CASC3: variants seen among roughly 807,000 people sequenced by gnomAD.
The protein encoded by CASC3 is protein CASC3.
A neutral mutation model predicts 80.5 loss-of-function variants in CASC3; 30 were observed. That is an observed-to-expected ratio of 0.37 (90% confidence interval 0.28 to 0.51). CASC3 has a LOEUF of 0.51. Among genes scored for constraint, CASC3 ranks in the 20% least tolerant of loss-of-function variants. CASC3 has a pLI of 0.94. For synonymous variants in CASC3, 312 were observed against 333.6 expected, an observed-to-expected ratio of 0.94 and a Z score of 0.70; for missense variants, 824 against 922.2, an observed-to-expected ratio of 0.89 and a Z score of 1.38.
At chr17:40,160,171 G>T (rs1029086028) in intron 3 of CASC3, among the ~76,000 whole-genome samples, 2 of 152,150 alleles carry the variant, frequency 1.3e-5, no homozygotes, top group African/African-American at 4.8e-5. Flanking sequence ...TTACGTCAAA[G>T]TATAGTTATT....
At chr17:40,156,340 A>G (rs757399926) in intron 3 of CASC3, among the ~76,000 whole-genome samples, 5 of 152,142 alleles carry the variant, frequency 3.3e-5, no homozygotes, top group Non-Finnish European at 5.9e-5. Context: ...GTCTCCCTCT[A>G]TTCTGTTACC....
intron 3 of CASC3, among the ~76,000 whole-genome samples, chr17:40,145,716 G>T (rs1189291270): frequency 1.3e-5 from 2 of 150,502 alleles, no homozygotes; most frequent in Admixed American, 6.6e-5. Flanking sequence ...GCAAGACCCT[G>T]TGTCAAAAAA....
At position 40,168,226 on chromosome 17, in the gene CASC3, G is replaced by C. The variant is rs1417893684; in HGVS notation, c.1774G>C (p.Ala592Pro). ...HPGLHPHQTP[A>P]PLPNPGLYPP... ...AGGTTTACATCCCCACCAGACACCA[G>C]CTCCTCTGCCCAATCCAGGCCTCTA... The change falls in exon 11 of 14, where the codon GCT becomes CCT. Residue 592 changes from alanine to proline, a missense_variant. Transcript: ENST00000264645. 5 of 1,613,870 alleles carry C rather than the reference G, an allele frequency of 3.1e-6. No individual in the cohort carries two copies. In the East Asian group the frequency reaches 1.1e-4, roughly 36 times the overall value.
At chr17:40,164,517 G>A (rs1175526344) in intron 7 of CASC3, among the ~76,000 whole-genome samples, 2 of 151,686 alleles carry the variant, frequency 1.3e-5, no homozygotes, top group African/African-American at 2.4e-5. Context: ...GCACGATCTC[G>A]GCTCACTGTA....
chr17:40,164,749 C>CGT (rs1567683752), intron 7 of CASC3, among the ~76,000 whole-genome samples: 1 of 87,870 alleles, frequency 1.1e-5, no homozygotes, highest in African/African-American at 6.6e-5. Flanking sequence ...CCGTGCCTGG[C>CGT]CTTTTTTTTT....
chr17:40,143,150 A>G (rs1019402075), intron 3 of CASC3, among the ~76,000 whole-genome samples: 3 of 151,942 alleles, frequency 2.0e-5, no homozygotes, highest in Admixed American at 2.0e-4. Flanking sequence ...AGTAATTAGA[A>G]TGAATAAGAT....
chr17:40,169,570 AT>A, intron 12 of CASC3, 27 bp from the exon 13 acceptor site: 1 of 1,590,956 alleles, frequency 6.3e-7, no homozygotes, highest in South Asian at 1.1e-5. Context: ...TTATGACCTG[AT>A]AACAAATTCC....
rs375234919 is a variant in CASC3 at position 40,140,587 on chromosome 17, C to T, written c.39C>T (p.Thr13=). Reference sequence around the variant, plus strand: ...GGCGGCAGCGCGCTTCGCAAGACACCGAGGACGAGGAATCTGGTGCTTCGG... The same window carrying T: ...GGCGGCAGCGCGCTTCGCAAGACACTGAGGACGAGGAATCTGGTGCTTCGG... The part of the protein sequence containing the change: ...DRRRQRASQD[T]EDEESGASGS... The change falls in exon 1 of 14, where the codon ACC becomes ACT. Residue 13 remains threonine (T), a synonymous_variant. Transcript: ENST00000264645. 6 of 1,609,988 alleles carry T rather than the reference C, an allele frequency of 3.7e-6. No individual in the cohort carries two copies. Among genetic ancestry groups the T allele is most frequent in the African/African-American group, 1.3e-5 (1 of 74,654 alleles).
intron 3 of CASC3, among the ~76,000 whole-genome samples, chr17:40,151,027 G>GA (rs200764373): frequency 0.01 from 1,517 of 151,480 alleles, 31 homozygotes; most frequent in Middle Eastern, 0.034. Flanking sequence ...AAGAAAAAAA[G>GA]AAAAAAAACT....
chr17:40,156,337 T>C (rs999888813), intron 3 of CASC3, among the ~76,000 whole-genome samples: 1 of 152,120 alleles, frequency 6.6e-6, no homozygotes. Flanking sequence ...ACAGTCTCCC[T>C]CTATTCTGTT....
chr17:40,141,128 C>G (rs532732426), intron 1 of CASC3, 79 bp from the exon 2 acceptor site: 1 of 1,333,388 alleles, frequency 7.5e-7, no homozygotes, highest in African/African-American at 1.4e-5. Context: ...GAATCTTCAG[C>G]TTTTCACCCA....
At chr17:40,169,687 ATTG>A in intron 13 of CASC3, 25 bp downstream of exon 13, 2 of 1,096,494 alleles carry the variant, frequency 1.8e-6, no homozygotes, top group Non-Finnish European at 2.5e-6. Flanking sequence ...TACTGTGAAT[ATTG>A]TTAAAACTAA....
At chr17:40,169,739 ATGCTTT>A in intron 13 of CASC3, 77 bp downstream of exon 13, 1 of 219,076 alleles carries the variant, frequency 4.6e-6, no homozygotes, top group Non-Finnish European at 8.0e-6. Flanking sequence ...CACTTAATTA[ATGCTTT>A]TTTTTTTTTT....
At chr17:40,154,105 G>A (rs1466702640) in intron 3 of CASC3, among the ~76,000 whole-genome samples, 2 of 76,768 alleles carry the variant, frequency 2.6e-5, no homozygotes, top group African/African-American at 5.4e-5. Context: ...GATGCTGAGC[G>A]TTTTTTTTTT....
At chr17:40,161,535 C>T (rs1256713812) in intron 3 of CASC3, among the ~76,000 whole-genome samples, 3 of 152,068 alleles carry the variant, frequency 2.0e-5, no homozygotes, top group Admixed American at 6.5e-5. Flanking sequence ...AAAAATTAGC[C>T]AGGCGCGGTA....
At chr17:40,143,772 G>A (rs2145151166) in intron 3 of CASC3, among the ~76,000 whole-genome samples, 1 of 152,116 alleles carries the variant, frequency 6.6e-6, no homozygotes, top group East Asian at 1.9e-4. Context: ...AGAGGTTGCA[G>A]TGAGCCGAAA....
At chr17:40,162,670 A>G in intron 5 of CASC3, 55 bp from the exon 6 acceptor site, 1 of 1,575,230 alleles carries the variant, frequency 6.3e-7, no homozygotes, top group Non-Finnish European at 8.7e-7. Flanking sequence ...GTTCAAGAAC[A>G]TCTCTACTTG....
At chr17:40,145,112 C>T (rs574238857) in intron 3 of CASC3, among the ~76,000 whole-genome samples, 3 of 151,808 alleles carry the variant, frequency 2.0e-5, no homozygotes, top group South Asian at 4.2e-4. Context: ...CCACCCACCT[C>T]GGCCTCCCAA....
intron 3 of CASC3, among the ~76,000 whole-genome samples, chr17:40,159,464 C>T (rs1313565709): frequency 2.0e-5 from 3 of 151,764 alleles, no homozygotes; most frequent in East Asian, 1.9e-4. Flanking sequence ...CAACCTCTGC[C>T]TCCCAGGTTA....
Sources: allele counts gnomAD v4.1 joint callset (sites outside exome capture counted in the v4.1 genomes callset), GRCh38; gene constraint gnomAD v4.1.1; transcripts MANE v1.5; gene names NCBI Gene and HGNC (gene_info 2026-07-23, HGNC 2026-07-21).